ZBTB45: variants seen among roughly 807,000 people sequenced by gnomAD.
ZBTB45 encodes the protein zinc finger and BTB domain containing 45.
Under a neutral mutation model 28.4 loss-of-function variants are expected in ZBTB45, and 22 were observed. The ratio of observed to expected loss-of-function variants is 0.77; its 90% confidence interval spans 0.55 to 1.10. The LOEUF (loss-of-function observed/expected upper bound fraction) is 1.10, where lower values mean the gene tolerates loss of function less well. Ranked by LOEUF, ZBTB45 falls within the 50% of genes least tolerant of loss-of-function variation. The pLI, the probability that ZBTB45 is intolerant of heterozygous loss-of-function variation, is 0.00. For synonymous variants in ZBTB45, 361 were observed against 332.3 expected, an observed-to-expected ratio of 1.09 and a Z score of -0.94; for missense variants, 656 against 750.2, an observed-to-expected ratio of 0.87 and a Z score of 1.47.
At chr19:58,514,533 G>A (rs2053465343) in intron 2 of ZBTB45, among the ~76,000 whole-genome samples, 1 of 152,014 alleles carries the variant, frequency 6.6e-6, no homozygotes, top group African/African-American at 2.4e-5. Context: ...CTTCACGTTG[G>A]GACTTTCCTG....
chr19:58,514,461 C>A (rs1450319483), intron 2 of ZBTB45, 151 bp from the exon 3 acceptor site: 1 of 1,032,412 alleles, frequency 9.7e-7, no homozygotes, highest in East Asian at 2.7e-5. Flanking sequence ...TATCAGAGAA[C>A]CCTCCCCTCA....
chr19:58,532,760 C>G (rs1304321580), intron 1 of ZBTB45, among the ~76,000 whole-genome samples: 3 of 151,992 alleles, frequency 2.0e-5, no homozygotes, highest in Admixed American at 6.6e-5. Flanking sequence ...GTTGGGCAGT[C>G]TGGTCTCAGA....
intron 1 of ZBTB45, among the ~76,000 whole-genome samples, chr19:58,525,164 A>G (rs1277656982): frequency 6.6e-6 from 1 of 151,886 alleles, no homozygotes; most frequent in Non-Finnish European, 1.5e-5. Context: ...TCCACCCTCC[A>G]TCACTTCCCG....
intron 1 of ZBTB45, among the ~76,000 whole-genome samples, chr19:58,527,218 C>G (rs1000009784): frequency 2.0e-5 from 3 of 152,212 alleles, no homozygotes; most frequent in Admixed American, 6.5e-5. Context: ...TTCCACCACC[C>G]ACAGTAGGTG....
Position 58,516,167 on chromosome 19 carries a change from A to G in ZBTB45, c.1279+228T>C, listed in dbSNP as rs1028398544. Among the ~76,000 whole-genome samples the G allele has an allele frequency of 6.6e-6, 1 of 151,882 alleles. No individual in the cohort carries two copies. The highest frequency in any genetic ancestry group is 1.5e-5 in the Non-Finnish European group (1 of 67,906). ...GGCCAGGACAGGCTCCTGCTTCCCT[A>G]CCCAGCCTCAGGATCCCCCTCCACA... On this transcript the variant is annotated intron_variant, in intron 2 of 2. Transcript: ENST00000594051. The surrounding 1 kb of genome is among the most constrained non-coding windows in gnomAD (Gnocchi z 6.2).
chr19:58,532,251 C>G (rs1014229002), intron 1 of ZBTB45, among the ~76,000 whole-genome samples: 1 of 152,082 alleles, frequency 6.6e-6, no homozygotes, highest in Admixed American at 6.6e-5. Context: ...AACTCTGAAA[C>G]CTGGAAGTGT....
intron 1 of ZBTB45, among the ~76,000 whole-genome samples, chr19:58,517,900 C>T (rs1048523478): frequency 6.6e-6 from 1 of 151,608 alleles, no homozygotes; most frequent in Non-Finnish European, 1.5e-5. Flanking sequence ...CCGTCTACAG[C>T]CCCCCATTAA....
intron 1 of ZBTB45, among the ~76,000 whole-genome samples, chr19:58,532,349 T>G (rs745931865): frequency 6.6e-6 from 1 of 152,182 alleles, no homozygotes; most frequent in Non-Finnish European, 1.5e-5. Flanking sequence ...GCGCCCTACA[T>G]GCAAATTAAC....
At chr19:58,529,864 G>A (rs1280441716) in intron 1 of ZBTB45, among the ~76,000 whole-genome samples, 3 of 152,096 alleles carry the variant, frequency 2.0e-5, no homozygotes, top group African/African-American at 7.2e-5. Flanking sequence ...AGGTTCAACC[G>A]TGTTGTAGCA....
Position 58,516,410 on chromosome 19 carries a change from T to C in ZBTB45, c.1264A>G (p.Met422Val), listed in dbSNP as rs748630789. 15 of 1,613,838 alleles carry C rather than the reference T, an allele frequency of 9.3e-6. No homozygotes were observed. The highest frequency in any genetic ancestry group is 6.7e-5 in the East Asian group (3 of 44,898). The change falls in exon 2 of 3, where the codon ATG becomes GTG. Residue 422 changes from methionine (M) to valine (V), a missense_variant. Physicochemically the swap from Met to Val is conservative, Grantham distance 21. Transcript: ENST00000594051. The surrounding 1 kb of genome is among the most constrained non-coding windows in gnomAD (Gnocchi z 6.2). Reference protein sequence around the residue: ...FSSRKNYTKHMFIHSGEKPHQ... With the variant: ...FSSRKNYTKHVFIHSGEKPHQ... ...CCTGGCTCACCCGAGTGGATGAACA[T>C]GTGCTTGGTGTAGTTTTTCCGGGAG...
In ZBTB45 at chr19:58,537,104, C is replaced by T. The variant is rs141698951; in HGVS notation, c.-1+1597G>A. On this transcript the variant is annotated intron_variant, in intron 1 of 1. Coordinates refer to the ZBTB45 transcript ENST00000600130. ...GTCCCTAGTCTTACTCTCCTATATACCCACCCTGGCTTGGCCAATCCTAGG... is the reference window on the plus strand; with the variant it reads ...GTCCCTAGTCTTACTCTCCTATATATCCACCCTGGCTTGGCCAATCCTAGG... 2.0e-3 allele frequency among the ~76,000 whole-genome samples: 309 copies of T among 152,206 alleles called. 1 individual carries two copies. The highest frequency in any genetic ancestry group is 7.0e-3 in the African/African-American group (291 of 41,534).
intron 2 of ZBTB45, 117 bp from the exon 3 acceptor site, chr19:58,514,427 A>G: frequency 8.4e-7 from 1 of 1,190,338 alleles, no homozygotes. Flanking sequence ...CCCCTCCCGA[A>G]CCACCACCCC....
intron 2 of ZBTB45, among the ~76,000 whole-genome samples, chr19:58,514,823 C>A (rs1248457768): frequency 1.3e-5 from 2 of 152,132 alleles, no homozygotes; most frequent in African/African-American, 4.8e-5. Flanking sequence ...CCATAGAGTC[C>A]CCTAAACTCA....
Position 58,515,356 on chromosome 19 carries a change from T to C in ZBTB45, c.1279+1039A>G, listed in dbSNP as rs1600055129. On this transcript the variant is annotated intron_variant, in intron 2 of 2. Coordinates refer to ENST00000594051, the MANE Select transcript of ZBTB45 (RefSeq NM_001316979.2). This position sits in a 1 kb window ranked among gnomAD's most constrained non-coding sequence, Gnocchi z 4.7. ...AAAAAAAACCCTATCTCAGTGGCAG[T>C]GGACTGAAAGGCAGTGCCTGCCAGA... 6.7e-6 allele frequency among the ~76,000 whole-genome samples: 1 copy of C among 149,264 alleles called. No individual in the cohort carries two copies. The highest frequency in any genetic ancestry group is 2.0e-4 in the East Asian group (1 of 5,116).
Position 58,529,318 on chromosome 19 carries a change from G to A in ZBTB45, c.-1+9383C>T, listed in dbSNP as rs542181681. ...TAGCCAGGCATGATGGCGTGTACCC[G>A]TAGTCCCAGCTATGCTGGAGGCTGA... On this transcript the variant is annotated intron_variant, in intron 1 of 1. Coordinates refer to the ZBTB45 transcript ENST00000600130. Among the ~76,000 whole-genome samples the A allele has an allele frequency of 5.9e-5, 9 of 152,252 alleles. No individual in the cohort carries two copies. In the East Asian group the frequency reaches 9.7e-4, roughly 16 times the overall value.
At chr19:58,538,650 G>A (rs879305429) in intron 1 of ZBTB45, 3 of 152,254 alleles carry the variant, frequency 2.0e-5, no homozygotes, top group Non-Finnish European at 2.9e-5. Context: ...GCGGGGCCCG[G>A]GGAGGCAGTG....
Position 58,517,210 on chromosome 19 carries a change from T to C in ZBTB45, c.464A>G (p.His155Arg), listed in dbSNP as rs1324230895. Residue 155 changes from histidine (H) to arginine (R), a missense_variant, in exon 2 of 3, where the codon CAC (histidine) becomes CGC (arginine). Around this residue, in one of 3 missense-constraint regions of ZBTB45, gnomAD observed 448 missense variants for 444.3 expected, o/e 1.01. Coordinates refer to ENST00000594051, the MANE Select transcript of ZBTB45 (RefSeq NM_001316979.2). ...APAQLRHRLR[H>R]LLAARPPGHP... is the part of the protein sequence containing the mutation. Reference sequence around the variant, plus strand: ...CCCCGGGGGACGTGCAGCCAGCAGGTGGCGCAGGCGGTGACGCAGCTGCGC... The same window carrying C: ...CCCCGGGGGACGTGCAGCCAGCAGGCGGCGCAGGCGGTGACGCAGCTGCGC... The C allele has an allele frequency of 1.3e-6, 2 of 1,599,518 alleles. No homozygotes were observed. The highest frequency in any genetic ancestry group is 1.7e-6 in the Non-Finnish European group (2 of 1,175,008).
rs923357995 is a variant in ZBTB45 at position 58,537,490 on chromosome 19, G to A, written c.-1+1211C>T. On this transcript the variant is annotated intron_variant, in intron 1 of 1. Coordinates refer to the ZBTB45 transcript ENST00000600130. ...TGGGGAGGGCCTGTTATGAGGGGCA[G>A]CCGATGATAGGGTGGCAGGGGATCT... Among the ~76,000 whole-genome samples, 3 of 152,252 alleles carry A rather than the reference G, an allele frequency of 2.0e-5. No individual in the cohort carries two copies. In the South Asian group the frequency reaches 6.2e-4, roughly 32 times the overall value.
intron 1 of ZBTB45, among the ~76,000 whole-genome samples, chr19:58,530,846 G>T (rs1364936970): frequency 3.9e-5 from 6 of 151,972 alleles, no homozygotes; most frequent in Non-Finnish European, 4.4e-5. Flanking sequence ...ACCACGCCTG[G>T]CTAATTTTTT....
Sources: gnomAD v4.1 joint callset for allele counts (sites outside exome capture counted in the v4.1 genomes callset) on GRCh38, gnomAD v4.1.1 for gene constraint, gnomAD v4.1.1 regional missense constraint, Gnocchi (gnomAD v3.1) non-coding constraint, MANE v1.5 for transcripts, NCBI Gene and HGNC (gene_info 2026-07-23, HGNC 2026-07-21) for gene names.